The following ZNF430 variants were observed in gnomAD, a reference collection of about 807,000 sequenced individuals.
ZNF430 encodes the protein zinc finger protein 430.
A neutral mutation model predicts 56.7 loss-of-function variants in ZNF430; 35 were observed. The observed-to-expected ratio is 0.62, with a 90% CI of 0.47 to 0.82. The LOEUF (loss-of-function observed/expected upper bound fraction) is 0.82. Among genes scored for constraint, ZNF430 ranks in the 40% least tolerant of loss-of-function variants. The pLI, the probability that ZNF430 is intolerant of heterozygous loss-of-function variation, is 0.00. For synonymous variants in ZNF430, 212 were observed against 224.3 expected (o/e 0.94, Z 0.49); for missense variants, 574 against 661.0 (o/e 0.87, Z 1.44).
intron 4 of ZNF430, among the ~76,000 whole-genome samples, chr19:21,037,439 A>G (rs902702250): frequency 2.6e-5 from 4 of 151,606 alleles, no homozygotes; most frequent in Non-Finnish European, 4.4e-5. Context: ...TTAAGACTGA[A>G]TAATATTTCG....
chr19:21,037,045 T>C (rs1252390090), intron 4 of ZNF430, among the ~76,000 whole-genome samples: 1 of 152,114 alleles, frequency 6.6e-6, no homozygotes, highest in Non-Finnish European at 1.5e-5. Flanking sequence ...ATCCATCATT[T>C]CGTTACTGGC....
At chr19:21,047,316 T>A (rs1340809404) in intron 4 of ZNF430, among the ~76,000 whole-genome samples, 3 of 152,220 alleles carry the variant, frequency 2.0e-5, no homozygotes, top group Non-Finnish European at 4.4e-5. Context: ...ATTACCCACC[T>A]TCTGAAGCCT....
At chr19:21,028,586 T>C (rs1967845538) in intron 2 of ZNF430, among the ~76,000 whole-genome samples, 1 of 152,232 alleles carries the variant, frequency 6.6e-6, no homozygotes, top group Non-Finnish European at 1.5e-5. Context: ...CATTTGAGGA[T>C]GTCCAGGGCA....
intron 4 of ZNF430, among the ~76,000 whole-genome samples, chr19:21,045,388 G>A (rs1405587085): frequency 6.6e-6 from 1 of 152,216 alleles, no homozygotes; most frequent in Non-Finnish European, 1.5e-5. Flanking sequence ...GTGGTTTTGA[G>A]TGAGTTTCTT....
intron 4 of ZNF430, among the ~76,000 whole-genome samples, chr19:21,043,762 G>A (rs777684794): frequency 8.6e-5 from 13 of 151,808 alleles, no homozygotes; most frequent in Non-Finnish European, 1.6e-4. Flanking sequence ...TGTCCTCTCT[G>A]ATTTTCTTGA....
chr19:21,054,875 C>T (rs1357561905), intron 4 of ZNF430, among the ~76,000 whole-genome samples: 1 of 151,650 alleles, frequency 6.6e-6, no homozygotes, highest in Non-Finnish European at 1.5e-5. Flanking sequence ...AAGGTTTCGC[C>T]GTATTAGCCA....
intron 4 of ZNF430, among the ~76,000 whole-genome samples, chr19:21,046,623 G>C (rs1028564317): frequency 6.6e-6 from 1 of 152,022 alleles, no homozygotes; most frequent in African/African-American, 2.4e-5. Context: ...GATATTCTTG[G>C]TTGGAAATTC....
intron 4 of ZNF430, among the ~76,000 whole-genome samples, chr19:21,053,034 C>T (rs937074207): frequency 8.5e-5 from 13 of 152,260 alleles, no homozygotes; most frequent in East Asian, 1.9e-4. Context: ...GTTTCTTTTA[C>T]GAGTTGTCTT....
chr19:21,031,379 C>A (rs1420252498), intron 2 of ZNF430, among the ~76,000 whole-genome samples: 3 of 152,064 alleles, frequency 2.0e-5, no homozygotes, highest in Non-Finnish European at 4.4e-5. Context: ...CACCTTTGCA[C>A]TAAAGGGTGG....
intron 4 of ZNF430, among the ~76,000 whole-genome samples, chr19:21,038,252 A>G (rs1194494008): frequency 6.6e-6 from 1 of 152,058 alleles, no homozygotes; most frequent in African/African-American, 2.4e-5. Flanking sequence ...TTTTATCAGT[A>G]TTGATATTTA....
At chr19:21,025,306 A>G (rs950472387) in intron 2 of ZNF430, among the ~76,000 whole-genome samples, 2 of 152,184 alleles carry the variant, frequency 1.3e-5, no homozygotes, top group African/African-American at 4.8e-5. Context: ...TCTCCATGGC[A>G]TTTTGTAAAC....
intron 4 of ZNF430, among the ~76,000 whole-genome samples, chr19:21,056,416 G>A (rs763105877): frequency 1.5e-4 from 23 of 151,956 alleles, no homozygotes; most frequent in South Asian, 4.1e-4. Flanking sequence ...TTGAGCCTGG[G>A]TGGCGGAGGT....
chr19:21,033,524 T>C lies in ZNF430; in HGVS notation c.165T>C (p.Ala55=). The change falls in exon 3 of 5, where the codon GCT becomes GCC. Residue 55 remains alanine, a synonymous_variant. Coordinates refer to ENST00000261560, the MANE Select transcript of ZNF430 (RefSeq NM_025189.4). ...AGGAGTGGCAATGCCTGGACACTGC[T>C]CAGCAGGATTTGTATAGAAAAGTGA... The part of the protein sequence containing the change: ...SLEEWQCLDT[A]QQDLYRKVML... The C allele has an allele frequency of 6.2e-7, 1 of 1,612,018 alleles. No individual in the cohort carries two copies. Among genetic ancestry groups the C allele is most frequent in the African/African-American group, 1.3e-5 (1 of 74,964 alleles).
intron 4 of ZNF430, among the ~76,000 whole-genome samples, chr19:21,044,295 A>T (rs115759576): frequency 6.6e-6 from 1 of 152,104 alleles, no homozygotes; most frequent in African/African-American, 2.4e-5. Flanking sequence ...ACATGAAGGT[A>T]TGTTGAATTT....
At chr19:21,054,498 A>G (rs1395677042) in intron 4 of ZNF430, among the ~76,000 whole-genome samples, 1 of 151,744 alleles carries the variant, frequency 6.6e-6, no homozygotes, top group Non-Finnish European at 1.5e-5. Context: ...TTTGTTGACA[A>G]TTTACTGGCT....
chr19:21,026,622 T>G (rs1967801115), intron 2 of ZNF430, among the ~76,000 whole-genome samples: 1 of 152,182 alleles, frequency 6.6e-6, no homozygotes, highest in Non-Finnish European at 1.5e-5. Context: ...ATTTGGCTTT[T>G]GGCTTGGATG....
intron 4 of ZNF430, among the ~76,000 whole-genome samples, chr19:21,039,733 T>C (rs1968069934): frequency 6.6e-6 from 1 of 152,178 alleles, no homozygotes; most frequent in Non-Finnish European, 1.5e-5. Flanking sequence ...CCCAAAGTGC[T>C]GGCATTACAG....
In ZNF430 at chr19:21,031,233, T is replaced by C. The variant is rs536170044; in HGVS notation, c.97-2223T>C. 6.6e-5 allele frequency among the ~76,000 whole-genome samples: 10 copies of C among 151,726 alleles called. No individual in the cohort carries two copies. In the East Asian group the frequency reaches 7.8e-4, roughly 12 times the overall value. ...TACATGGCAGAAATCTCTGTACTTA[T>C]GCCCTTTCCATGGATTTCGTTTATT... On this transcript the variant is annotated intron_variant, in intron 2 of 4. Coordinates refer to ENST00000261560, the MANE Select transcript of ZNF430 (RefSeq NM_025189.4).
At chr19:21,041,003 A>G (rs1400234562) in intron 4 of ZNF430, among the ~76,000 whole-genome samples, 1 of 152,192 alleles carries the variant, frequency 6.6e-6, no homozygotes, top group African/African-American at 2.4e-5. Flanking sequence ...TGCATGTAAT[A>G]TAGATTCTTT....
Sources: gnomAD v4.1 joint callset for allele counts (sites outside exome capture counted in the v4.1 genomes callset) on GRCh38, gnomAD v4.1.1 for gene constraint, MANE v1.5 for transcripts, NCBI Gene and HGNC (gene_info 2026-07-23, HGNC 2026-07-21) for gene names.